The following FNDC3A variants were observed in gnomAD, a reference collection of about 807,000 sequenced individuals.
FNDC3A encodes fibronectin type-III domain-containing protein 3A.
Under a neutral mutation model 148.9 loss-of-function variants are expected in FNDC3A, and 32 were observed. That is an observed-to-expected ratio of 0.21 (90% confidence interval 0.16 to 0.29). The LOEUF (loss-of-function observed/expected upper bound fraction) is 0.29, where lower values mean the gene tolerates loss of function less well. Among genes scored for constraint, FNDC3A ranks in the 10% least tolerant of loss-of-function variants. FNDC3A has a pLI of 1.00. For synonymous variants in FNDC3A, 472 were observed against 473.6 expected (o/e 1.00, Z 0.04); for missense variants, 1,191 against 1,452.8 (o/e 0.82, Z 2.93).
At chr13:49,098,767 A>C (rs1026726822) in intron 3 of FNDC3A, among the ~76,000 whole-genome samples, 1 of 152,158 alleles carries the variant, frequency 6.6e-6, no homozygotes, top group Non-Finnish European at 1.5e-5. Context: ...ACAGATAATG[A>C]AATTATCCAC....
At chr13:49,187,563 C>G in intron 16 of FNDC3A, 1 of 1,610,646 alleles carries the variant, frequency 6.2e-7, no homozygotes, top group Non-Finnish European at 8.5e-7. Flanking sequence ...TAGCTAGTAA[C>G]GACCACTTGT....
Position 49,167,215 on chromosome 13 carries a change from G to A in FNDC3A, c.978-29G>A, listed in dbSNP as rs529638075. ...TTGGTTGAAAATGCTTTATTTATCAGACATGATATATTACCCTTTTTTCCC... is the reference window on the plus strand; with the variant it reads ...TTGGTTGAAAATGCTTTATTTATCAAACATGATATATTACCCTTTTTTCCC... On this transcript the variant is annotated intron_variant, in intron 8 of 25. Coordinates refer to ENST00000492622, the MANE Select transcript of FNDC3A (RefSeq NM_001079673.2). 30 of 1,433,056 alleles carry A rather than the reference G, an allele frequency of 2.1e-5. 1 individual carries two copies. In the South Asian group the frequency reaches 3.5e-4, roughly 17 times the overall value. The allele number at this position is 1,433,056 out of a possible 1,614,324, so 88.8% of individuals were successfully genotyped here.
intron 3 of FNDC3A, among the ~76,000 whole-genome samples, chr13:49,086,847 A>G (rs1047963747): frequency 2.0e-5 from 3 of 152,170 alleles, no homozygotes; most frequent in African/African-American, 7.2e-5. Context: ...GAGTCGCTCA[A>G]AATAGTAGCT....
intron 14 of FNDC3A, among the ~76,000 whole-genome samples, chr13:49,185,193 A>G (rs549730235): frequency 1.7e-4 from 26 of 152,344 alleles, no homozygotes; most frequent in East Asian, 3.9e-4. Context: ...TTAAATTTCT[A>G]TAATAGAAAA....
chr13:49,025,113 TG>T (rs1206793242), intron 2 of FNDC3A, among the ~76,000 whole-genome samples: 1 of 152,038 alleles, frequency 6.6e-6, no homozygotes, highest in Middle Eastern at 3.2e-3. Context: ...TTTCAAATAC[TG>T]CTTTTTTGGA....
chr13:49,018,956 C>T (rs543944901), intron 2 of FNDC3A, among the ~76,000 whole-genome samples: 77 of 152,230 alleles, frequency 5.1e-4, no homozygotes, highest in African/African-American at 1.7e-3. Flanking sequence ...GCAGTCTGCC[C>T]GTTCTCAGAT....
chr13:49,032,531 A>G (rs555122389), intron 2 of FNDC3A, among the ~76,000 whole-genome samples: 1 of 152,300 alleles, frequency 6.6e-6, no homozygotes, highest in East Asian at 1.9e-4. Context: ...CCAGTCTTAA[A>G]AGTCTACAGA....
intron 4 of FNDC3A, among the ~76,000 whole-genome samples, chr13:49,126,693 A>G (rs1018643248): frequency 2.6e-5 from 4 of 152,160 alleles, no homozygotes; most frequent in African/African-American, 4.8e-5. Context: ...CTTTCTACCT[A>G]TATGACCCTG....
chr13:49,196,782 G>T (rs1886176297), intron 19 of FNDC3A, 95 bp from the exon 20 acceptor site: 3 of 569,426 alleles, frequency 5.3e-6, no homozygotes, highest in Admixed American at 3.5e-5. Flanking sequence ...ACAGGGAAAA[G>T]ACTTTATTAA....
chr13:49,012,835 G>GTGTGTGTGTGTGTGTA (rs1316247096), intron 2 of FNDC3A, among the ~76,000 whole-genome samples: 1 of 151,520 alleles, frequency 6.6e-6, no homozygotes, highest in African/African-American at 2.4e-5. Flanking sequence ...GTGTGTGTGT[G>GTGTGTGTGTGTGTGTA]TGTGTATCAT....
intron 3 of FNDC3A, among the ~76,000 whole-genome samples, chr13:49,080,268 T>C (rs1176505656): frequency 6.6e-6 from 1 of 152,208 alleles, no homozygotes; most frequent in African/African-American, 2.4e-5. Context: ...TTCATGTCCT[T>C]TTGGATAAGG....
At chr13:49,185,548 C>A (rs1270070041) in intron 14 of FNDC3A, among the ~76,000 whole-genome samples, 2 of 152,174 alleles carry the variant, frequency 1.3e-5, no homozygotes, top group African/African-American at 4.8e-5. Flanking sequence ...GTATAACACA[C>A]ACACAAGGGA....
intron 3 of FNDC3A, among the ~76,000 whole-genome samples, chr13:49,111,959 A>G (rs1452885261): frequency 2.6e-5 from 4 of 152,214 alleles, no homozygotes; most frequent in African/African-American, 9.6e-5. Flanking sequence ...ACCAAATTAT[A>G]AACTATTTTA....
At chr13:49,201,140 C>T in intron 23 of FNDC3A, 1 of 291,758 alleles carries the variant, frequency 3.4e-6, no homozygotes, top group Admixed American at 4.3e-5. Flanking sequence ...TAGAAACATC[C>T]AATCAAAAAT....
At chr13:49,144,029 CTACTAA>C (rs1054028824) in intron 7 of FNDC3A, among the ~76,000 whole-genome samples, 2 of 149,770 alleles carry the variant, frequency 1.3e-5, no homozygotes, top group Non-Finnish European at 3.0e-5. Context: ...ACTACTACTA[CTACTAA>C]TAATAATAAT....
intron 12 of FNDC3A, 130 bp from the exon 13 acceptor site, chr13:49,175,237 G>T (rs925568643): frequency 8.5e-5 from 47 of 553,754 alleles, no homozygotes; most frequent in Admixed American, 2.6e-4. Flanking sequence ...TCAAACCCAA[G>T]ATATATTATT....
intron 14 of FNDC3A, among the ~76,000 whole-genome samples, chr13:49,181,189 G>C (rs987692349): frequency 6.6e-6 from 1 of 152,202 alleles, no homozygotes; most frequent in African/African-American, 2.4e-5. Flanking sequence ...ACAGTAGGCT[G>C]TTGCACAAAA....
chr13:49,101,531 G>A (rs369651200), intron 3 of FNDC3A, among the ~76,000 whole-genome samples: 176 of 152,078 alleles, frequency 1.2e-3, no homozygotes, highest in African/African-American at 4.1e-3. Flanking sequence ...TTTTGGACAT[G>A]CAAATGACCC....
chr13:49,188,467 G>A (rs375806998), intron 16 of FNDC3A, 48 bp from the exon 17 acceptor site: 35 of 1,158,206 alleles, frequency 3.0e-5, no homozygotes, highest in Middle Eastern at 3.9e-4. Flanking sequence ...ATACCAGAAC[G>A]TTAAACATTA....
Sources: gnomAD v4.1 joint callset for allele counts (sites outside exome capture counted in the v4.1 genomes callset) on GRCh38, gnomAD v4.1.1 for gene constraint, MANE v1.5 for transcripts, NCBI Gene and HGNC (gene_info 2026-07-23, HGNC 2026-07-21) for gene names.